AGBL3: variants seen among roughly 807,000 people sequenced by gnomAD.
AGBL3 encodes AGBL carboxypeptidase 3.
In AGBL3, 68 loss-of-function variants were observed where a neutral mutation model predicts 94.5. That is an observed-to-expected ratio of 0.72 (90% CI 0.59 to 0.88). AGBL3 has a LOEUF of 0.88. AGBL3 is among the 40% of genes least tolerant of loss of function. AGBL3 has a pLI of 0.00. For missense variants in AGBL3, 934 were observed against 1,103.8 expected, an observed-to-expected ratio of 0.85 and a Z score of 2.18; for synonymous variants, 354 against 370.7, an observed-to-expected ratio of 0.95 and a Z score of 0.52.
chr7:135,021,023 G>A (rs990309475), intron 5 of AGBL3, among the ~76,000 whole-genome samples: 21 of 148,050 alleles, frequency 1.4e-4, no homozygotes, highest in Admixed American at 4.8e-4. Flanking sequence ...AAACCTGCAC[G>A]TTATGCACAT....
intron 15 of AGBL3, among the ~76,000 whole-genome samples, chr7:135,082,560 G>A (rs1353162355): frequency 8.8e-6 from 1 of 113,796 alleles, no homozygotes; most frequent in Non-Finnish European, 2.0e-5. Flanking sequence ...CATTAATGCA[G>A]TTTAAGATTA....
At chr7:135,047,774 C>A (rs964011232) in intron 11 of AGBL3, among the ~76,000 whole-genome samples, 1 of 151,790 alleles carries the variant, frequency 6.6e-6, no homozygotes, top group Non-Finnish European at 1.5e-5. Flanking sequence ...TGTAGACTAC[C>A]CCTTATTAGA....
chr7:135,113,154 A>G (rs1013872025), intron 15 of AGBL3, among the ~76,000 whole-genome samples: 1 of 152,236 alleles, frequency 6.6e-6, no homozygotes, highest in Non-Finnish European at 1.5e-5. Flanking sequence ...TCATTTGCCA[A>G]TATTGCCAGA....
At chr7:135,061,302 T>C (rs1480594113) in intron 12 of AGBL3, among the ~76,000 whole-genome samples, 2 of 152,130 alleles carry the variant, frequency 1.3e-5, no homozygotes, top group African/African-American at 2.4e-5. Flanking sequence ...ATCAGATGTA[T>C]GGTTTGCAAA....
chr7:135,059,636 C>T, intron 12 of AGBL3, among the ~76,000 whole-genome samples: 1 of 152,152 alleles, frequency 6.6e-6, no homozygotes, highest in East Asian at 1.9e-4. Flanking sequence ...ACAGCTTTCC[C>T]TTTGTTATCT....
intron 12 of AGBL3, among the ~76,000 whole-genome samples, chr7:135,067,391 G>A (rs968417929): frequency 6.6e-6 from 1 of 152,222 alleles, no homozygotes; most frequent in Admixed American, 6.5e-5. Context: ...GAAGAGAGTA[G>A]TGGTTCTCAC....
chr7:135,078,000 C>T (rs1820613432), intron 13 of AGBL3, among the ~76,000 whole-genome samples: 1 of 152,156 alleles, frequency 6.6e-6, no homozygotes, highest in Non-Finnish European at 1.5e-5. Flanking sequence ...CCACTGATGC[C>T]TGATTAGCTA....
At chr7:134,996,665 CTTA>C (rs1286584497) in intron 4 of AGBL3, among the ~76,000 whole-genome samples, 1 of 152,086 alleles carries the variant, frequency 6.6e-6, no homozygotes. Context: ...TAACTGGTAC[CTTA>C]TTAATGAATT....
At chr7:135,021,002 A>G (rs1814373708) in intron 5 of AGBL3, among the ~76,000 whole-genome samples, 1 of 151,946 alleles carries the variant, frequency 6.6e-6, no homozygotes, top group South Asian at 2.1e-4. Flanking sequence ...GCACATGTAT[A>G]CATATGTAAC....
chr7:135,116,579 T>G (rs1048422458), intron 16 of AGBL3, among the ~76,000 whole-genome samples: 2 of 152,146 alleles, frequency 1.3e-5, no homozygotes, highest in Non-Finnish European at 2.9e-5. Flanking sequence ...GGCTCCCCAT[T>G]TGGTTTCCAA....
chr7:135,133,755 C>T (rs901260042), intron 16 of AGBL3, among the ~76,000 whole-genome samples: 15 of 152,000 alleles, frequency 9.9e-5, no homozygotes, highest in African/African-American at 3.6e-4. Flanking sequence ...ACATCTTATA[C>T]AAAAATTAAC....
rs761309692 is a variant in AGBL3, at chr7:135,034,415, G to A, written c.824G>A (p.Arg275His). ...AGGAACAACCCAGGCCAAGATGGGCGCCATTATTTCTCTCTTACATGGACA... is the reference window on the plus strand; with the variant it reads ...AGGAACAACCCAGGCCAAGATGGGCACCATTATTTCTCTCTTACATGGACA... ...YYRNNPGQDG[R>H]HYFSLTWTFQ... Residue 275 changes from arginine to histidine, a missense_variant, in exon 7 of 17, where the codon CGC becomes CAC. By Grantham distance (29) the Arg-to-His change is conservative. Transcript: ENST00000436302. 2.4e-5 allele frequency: 38 copies of A among 1,551,644 alleles called. No individual in the cohort carries two copies. Among genetic ancestry groups the A allele is most frequent in the Middle Eastern group, 1.7e-4 (1 of 5,992 alleles).
intron 4 of AGBL3, among the ~76,000 whole-genome samples, chr7:135,002,771 G>GCCC (rs1349053500): frequency 6.6e-6 from 1 of 152,016 alleles, no homozygotes; most frequent in East Asian, 1.9e-4. Flanking sequence ...CACTCATTCT[G>GCCC]GTTTTTGACA....
intron 15 of AGBL3, among the ~76,000 whole-genome samples, chr7:135,103,887 T>C (rs1824240873): frequency 6.6e-6 from 1 of 152,218 alleles, no homozygotes; most frequent in Non-Finnish European, 1.5e-5. Flanking sequence ...TTTATTTTTT[T>C]TTAATGTAAG....
At chr7:135,028,294 T>C (rs1411408830) in intron 5 of AGBL3, among the ~76,000 whole-genome samples, 1 of 151,148 alleles carries the variant, frequency 6.6e-6, no homozygotes, top group Non-Finnish European at 1.5e-5. Flanking sequence ...TGCTATTTGA[T>C]AGCATTTTAC....
At chr7:135,066,747 G>A (rs1354874560) in intron 12 of AGBL3, among the ~76,000 whole-genome samples, 1 of 152,174 alleles carries the variant, frequency 6.6e-6, no homozygotes, top group African/African-American at 2.4e-5. Context: ...AAAAAGATGA[G>A]GGGGGATTTT....
At chr7:135,101,174 G>T (rs1335258110) in intron 15 of AGBL3, 3 of 455,774 alleles carry the variant, frequency 6.6e-6, no homozygotes, top group South Asian at 4.7e-5. Context: ...TTCCCCTCAA[G>T]GGAACTGATT....
intron 16 of AGBL3, chr7:135,129,788 T>A: frequency 1.7e-6 from 1 of 586,416 alleles, no homozygotes; most frequent in Non-Finnish European, 3.2e-6. Context: ...GTACTACTCA[T>A]TCAGTCTTCC....
intron 15 of AGBL3, among the ~76,000 whole-genome samples, chr7:135,114,907 T>A (rs1826111101): frequency 6.6e-6 from 1 of 152,182 alleles, no homozygotes; most frequent in Non-Finnish European, 1.5e-5. Context: ...AGGCCCAACA[T>A]GAGCTGAGTC....
Sources: gnomAD v4.1 joint callset for allele counts (sites outside exome capture counted in the v4.1 genomes callset) on GRCh38, gnomAD v4.1.1 for gene constraint, MANE v1.5 for transcripts, NCBI Gene and HGNC (gene_info 2026-07-23, HGNC 2026-07-21) for gene names.